Variants in ALOX5AP observed in about 807,000 individuals in gnomAD.
ALOX5AP encodes arachidonate 5-lipoxygenase-activating protein.
In ALOX5AP, 9 loss-of-function variants were observed where a neutral mutation model predicts 18.5. The observed-to-expected ratio is 0.49, with a 90% confidence interval of 0.29 to 0.85. The LOEUF (loss-of-function observed/expected upper bound fraction) is 0.85, where lower values mean the gene tolerates loss of function less well. Among genes scored for constraint, ALOX5AP ranks in the 40% least tolerant of loss-of-function variants. The pLI is 0.08. For missense variants in ALOX5AP, 172 were observed against 202.5 expected (o/e 0.85, Z 0.91); for synonymous variants, 81 against 78.6 (o/e 1.03, Z -0.16).
At chr13:30,761,971 G>A (rs1039213318) in intron 4 of ALOX5AP, among the ~76,000 whole-genome samples, 2 of 152,182 alleles carry the variant, frequency 1.3e-5, no homozygotes, top group East Asian at 3.8e-4. Context: ...CCTCTTTTGG[G>A]ATGTTTATTT....
intron 4 of ALOX5AP, among the ~76,000 whole-genome samples, chr13:30,760,554 T>C (rs1951933197): frequency 6.6e-6 from 1 of 152,220 alleles, no homozygotes; most frequent in African/African-American, 2.4e-5. Flanking sequence ...GCACAGCTGT[T>C]TCAAAACTAA....
At position 30,735,657 on chromosome 13, in the gene ALOX5AP, A is replaced by G. The variant is rs1408645420; in HGVS notation, c.52A>G (p.Ile18Val). The G allele has an allele frequency of 1.2e-6, 2 of 1,614,172 alleles. No homozygotes were observed. The highest frequency in any genetic ancestry group is 8.5e-7 in the Non-Finnish European group (1 of 1,180,030). ...NVVLLAIVTL[I>V]SVVQNGFFAH... ...TGTCCTGTTGGCCATCGTCACCCTC[A>G]TCAGCGTGGTCCAGAATGGTAAGGA... The change falls in exon 1 of 5, where the codon ATC (isoleucine) becomes GTC (valine). Residue 18 changes from isoleucine to valine, a missense_variant. By Grantham distance (29) the Ile-to-Val change is conservative (BLOSUM62 3). Transcript: ENST00000380490.
At chr13:30,718,382 C>CATAT (rs59562797) in intron 1 of ALOX5AP, among the ~76,000 whole-genome samples, 44,112 of 139,180 alleles carry the variant, frequency 0.32, 8,436 homozygotes, top group Non-Finnish European at 0.44. Flanking sequence ...CACAGATATG[C>CATAT]ATATATATAT....
At chr13:30,747,288 T>A (rs1387927957) in intron 2 of ALOX5AP, among the ~76,000 whole-genome samples, 1 of 152,258 alleles carries the variant, frequency 6.6e-6, no homozygotes, top group Non-Finnish European at 1.5e-5. Flanking sequence ...GTTATTCTCC[T>A]GCTTCAGCCT....
In ALOX5AP at chr13:30,746,092, A is replaced by G. The variant is rs17245512; in HGVS notation, c.170+1933A>G. Among the ~76,000 whole-genome samples, 1,455 of 152,330 alleles carry G rather than the reference A, an allele frequency of 9.6e-3. 14 individuals carry two copies. Among genetic ancestry groups the G allele is most frequent in the African/African-American group, 0.029 (1,215 of 41,582 alleles). On this transcript the variant is annotated intron_variant, in intron 2 of 4. Transcript: ENST00000380490. The stretch of plus-strand genomic sequence containing the variant: ...TGAACAGCTCTGTTTGTAAGAAGCC[A>G]TGGTGCTTAGACCTGGGCTCGCTAG...
intron 1 of ALOX5AP, among the ~76,000 whole-genome samples, chr13:30,721,109 C>T (rs186504395): frequency 1.3e-5 from 2 of 152,310 alleles, no homozygotes; most frequent in South Asian, 2.1e-4. Context: ...TCGTTGATCC[C>T]ACCCCACGCT....
chr13:30,746,076 CTG>C (rs1204985460), intron 2 of ALOX5AP, among the ~76,000 whole-genome samples: 1 of 152,218 alleles, frequency 6.6e-6, no homozygotes, highest in African/African-American at 2.4e-5. Flanking sequence ...GTGAACAGCT[CTG>C]TTTGTAAGAA....
intron 4 of ALOX5AP, among the ~76,000 whole-genome samples, chr13:30,762,503 C>T (rs1013966547): frequency 9.9e-5 from 15 of 151,534 alleles, no homozygotes; most frequent in South Asian, 2.1e-4. Context: ...GCAGGAGAAT[C>T]GCTTGAACCC....
intron 4 of ALOX5AP, among the ~76,000 whole-genome samples, chr13:30,758,239 T>C (rs1375181503): frequency 6.6e-6 from 1 of 152,086 alleles, no homozygotes; most frequent in Non-Finnish European, 1.5e-5. Context: ...GCAAGGAGAT[T>C]TTCAACCCTG....
At chr13:30,749,295 T>C (rs1951833492) in intron 2 of ALOX5AP, among the ~76,000 whole-genome samples, 2 of 152,012 alleles carry the variant, frequency 1.3e-5, no homozygotes, top group African/African-American at 4.8e-5. Flanking sequence ...CCAGACAAAA[T>C]CGCTACTTAA....
chr13:30,749,397 AT>A (rs1951834393), intron 2 of ALOX5AP, among the ~76,000 whole-genome samples: 1 of 152,202 alleles, frequency 6.6e-6, no homozygotes, highest in African/African-American at 2.4e-5. Flanking sequence ...AGCACCAGAT[AT>A]TTTACCCCAT....
intron 1 of ALOX5AP, among the ~76,000 whole-genome samples, chr13:30,739,699 T>G (rs1406512246): frequency 6.6e-6 from 1 of 152,216 alleles, no homozygotes; most frequent in East Asian, 1.9e-4. Context: ...CCTCCCAAAG[T>G]GCTGGGATTA....
chr13:30,723,665 A>G (rs1951613657), intron 1 of ALOX5AP, among the ~76,000 whole-genome samples: 1 of 152,346 alleles, frequency 6.6e-6, no homozygotes, highest in South Asian at 2.1e-4. Context: ...AAATTCCTTT[A>G]TTAAATCCTT....
chr13:30,759,509 G>A lies in ALOX5AP; in HGVS notation c.323+3484G>A, dbSNP rs976404603. 7.2e-5 allele frequency among the ~76,000 whole-genome samples: 11 copies of A among 152,166 alleles called. No homozygotes were observed. In the East Asian group the frequency reaches 1.2e-3, roughly 16 times the overall value. On this transcript the variant is annotated intron_variant, in intron 4 of 4. Coordinates refer to ENST00000380490, the MANE Select transcript of ALOX5AP (RefSeq NM_001629.4). The stretch of plus-strand genomic sequence containing the variant: ...CTGAAGGAGTAACAGTGAACATGAC[G>A]GAGTCTTTGTCCCCAAGGAGACCCA...
chr13:30,741,161 C>T (rs187789628), intron 1 of ALOX5AP, among the ~76,000 whole-genome samples: 211 of 105,126 alleles, frequency 2.0e-3, no homozygotes, highest in Middle Eastern at 0.011. Flanking sequence ...CTTGCTCTGT[C>T]GCCCTGGCTG....
chr13:30,717,383 G>T (rs1439707437), intron 1 of ALOX5AP, among the ~76,000 whole-genome samples: 2 of 152,208 alleles, frequency 1.3e-5, no homozygotes, highest in Admixed American at 6.5e-5. Flanking sequence ...ACACTAGCTG[G>T]TGTCCTCCAA....
At chr13:30,718,743 G>A (rs935318361) in intron 1 of ALOX5AP, among the ~76,000 whole-genome samples, 8 of 152,250 alleles carry the variant, frequency 5.3e-5, no homozygotes, top group South Asian at 2.1e-4. Flanking sequence ...GATCAGGGTC[G>A]CCCTAGCTGC....
chr13:30,735,773 A>G (rs1333384277), intron 1 of ALOX5AP, 98 bp downstream of exon 1: 3 of 1,297,360 alleles, frequency 2.3e-6, no homozygotes, highest in African/African-American at 3.0e-5. Context: ...GTGTGTGCGC[A>G]TGCACAAACA....
chr13:30,759,930 A>G (rs1951927585), intron 4 of ALOX5AP, among the ~76,000 whole-genome samples: 1 of 152,218 alleles, frequency 6.6e-6, no homozygotes, highest in African/African-American at 2.4e-5. Flanking sequence ...ATGATTCTGC[A>G]TTCTCAGATA....
Sources: gnomAD v4.1 joint callset for allele counts (sites outside exome capture counted in the v4.1 genomes callset) on GRCh38, gnomAD v4.1.1 for gene constraint, MANE v1.5 for transcripts, NCBI Gene and HGNC (gene_info 2026-07-23, HGNC 2026-07-21) for gene names.